The following JPH1 variants were observed in gnomAD, a reference collection of about 807,000 sequenced individuals.
The protein encoded by JPH1 is junctophilin 1, also known as junctophilin-1.
A neutral mutation model predicts 53.6 loss-of-function variants in JPH1; 12 were observed. The ratio of observed to expected loss-of-function variants is 0.22; its 90% CI spans 0.14 to 0.36. The LOEUF (loss-of-function observed/expected upper bound fraction) is 0.36. JPH1 is among the 10% of genes least tolerant of loss of function. The pLI is 1.00. For synonymous variants in JPH1, 375 were observed against 363.8 expected, an observed-to-expected ratio of 1.03 and a Z score of -0.35; for missense variants, 808 against 905.5, an observed-to-expected ratio of 0.89 and a Z score of 1.38.
chr8:74,255,370 C>G lies in JPH1; in HGVS notation c.1258+4015G>C, dbSNP rs1023780299. ...TAGAAAGCTGAAACTGGATCCCTTCCTTACACCTTATACAAAAATTAATTC... is the reference window on the plus strand; with the variant it reads ...TAGAAAGCTGAAACTGGATCCCTTCGTTACACCTTATACAAAAATTAATTC... On this transcript the variant is annotated intron_variant, in intron 3 of 5. Transcript: ENST00000342232. Among the ~76,000 whole-genome samples the G allele has an allele frequency of 1.1e-4, 17 of 152,158 alleles. 1 individual carries two copies. The highest frequency in any genetic ancestry group is 4.1e-4 in the African/African-American group (17 of 41,428).
chr8:74,319,360 T>C (rs1421704151), intron 1 of JPH1, among the ~76,000 whole-genome samples: 5 of 152,312 alleles, frequency 3.3e-5, no homozygotes, highest in African/African-American at 1.2e-4. Context: ...GGAATTTAGT[T>C]ATATAGTAGA....
chr8:74,275,904 G>A (rs1293221629), intron 2 of JPH1, among the ~76,000 whole-genome samples: 4 of 152,020 alleles, frequency 2.6e-5, no homozygotes, highest in Non-Finnish European at 5.9e-5. Flanking sequence ...ACCAATTCTG[G>A]CCTTAAAAAA....
rs1241378694 is a variant in JPH1 at position 74,234,965 on chromosome 8, C to G, written c.*2086G>C. On this transcript the variant is annotated 3_prime_UTR_variant, in exon 6 of 6. Transcript: ENST00000342232. ...AGCTGTGCACATTTTAGAAAAATAC[C>G]AACAATTTGAGCTTTGTTTTAAAAA... The G allele has an allele frequency of 6.6e-6, 1 of 152,426 alleles. No individual in the cohort carries two copies. The highest frequency in any genetic ancestry group is 6.6e-5 in the Admixed American group (1 of 15,260). 9.4% of individuals were successfully genotyped at this position (152,426 alleles called of 1,614,324 possible). A position where few individuals can be genotyped will look rare whatever the true frequency, so the allele number is the denominator to read the frequency against.
chr8:74,254,705 A>C (rs1806165883), intron 3 of JPH1, among the ~76,000 whole-genome samples: 2 of 152,170 alleles, frequency 1.3e-5, no homozygotes, highest in South Asian at 4.1e-4. Context: ...GTCTCAGGAT[A>C]CAAAATCAAT....
chr8:74,256,526 A>G (rs1250528976), intron 3 of JPH1, among the ~76,000 whole-genome samples: 4 of 127,970 alleles, frequency 3.1e-5, no homozygotes, highest in Non-Finnish European at 4.7e-5. Context: ...CATGTACCCT[A>G]AAACTTAAAA....
At chr8:74,319,617 T>C (rs543723090) in intron 1 of JPH1, among the ~76,000 whole-genome samples, 5 of 152,346 alleles carry the variant, frequency 3.3e-5, no homozygotes, top group Admixed American at 2.6e-4. Flanking sequence ...CATTTTGCAT[T>C]TGAAACACGG....
chr8:74,249,102 G>A (rs916858375), intron 3 of JPH1, among the ~76,000 whole-genome samples: 2 of 152,282 alleles, frequency 1.3e-5, no homozygotes, highest in Admixed American at 6.5e-5. Flanking sequence ...AAGGTTACTC[G>A]TTACAGTTGG....
intron 2 of JPH1, among the ~76,000 whole-genome samples, chr8:74,312,175 G>T (rs909017569): frequency 6.6e-6 from 1 of 152,206 alleles, no homozygotes; most frequent in Admixed American, 6.5e-5. Context: ...TTTTTAATTT[G>T]TTGATTGTGT....
intron 2 of JPH1, among the ~76,000 whole-genome samples, chr8:74,278,347 A>G (rs1806910016): frequency 6.6e-6 from 1 of 152,208 alleles, no homozygotes; most frequent in Non-Finnish European, 1.5e-5. Context: ...TGTAAGTCTA[A>G]TACATGGCAC....
chr8:74,280,133 T>TA (rs1806969066), intron 2 of JPH1, among the ~76,000 whole-genome samples: 1 of 152,198 alleles, frequency 6.6e-6, no homozygotes, highest in Admixed American at 6.5e-5. Context: ...CTGTAGTAAG[T>TA]AAAAAATGAA....
At chr8:74,256,605 G>A (rs1286429792) in intron 3 of JPH1, among the ~76,000 whole-genome samples, 1 of 150,914 alleles carries the variant, frequency 6.6e-6, no homozygotes, top group Admixed American at 6.6e-5. Flanking sequence ...CGAAGGATAT[G>A]AACAGACACT....
intron 2 of JPH1, among the ~76,000 whole-genome samples, chr8:74,312,573 T>C (rs1808028687): frequency 6.6e-6 from 1 of 152,194 alleles, no homozygotes; most frequent in Admixed American, 6.5e-5. Context: ...AAATGCAAAA[T>C]GCAGTATTGT....
intron 2 of JPH1, among the ~76,000 whole-genome samples, chr8:74,262,953 G>T (rs527956635): frequency 1.3e-5 from 2 of 152,230 alleles, no homozygotes; most frequent in Non-Finnish European, 2.9e-5. Flanking sequence ...AATTTGATGA[G>T]TATCTGAGGT....
intron 2 of JPH1, among the ~76,000 whole-genome samples, chr8:74,289,998 C>G (rs903253228): frequency 2.0e-5 from 3 of 152,050 alleles, no homozygotes; most frequent in Non-Finnish European, 4.4e-5. Flanking sequence ...ATTTTTGCAT[C>G]GATGTTCATC....
chr8:74,261,141 TTTAA>T (rs1450246279), intron 2 of JPH1, among the ~76,000 whole-genome samples: 1 of 151,918 alleles, frequency 6.6e-6, no homozygotes, highest in African/African-American at 2.4e-5. Flanking sequence ...TCTGGGGGAG[TTTAA>T]TTATTCTGCA....
rs1412622137 is a variant in JPH1 at position 74,235,690 on chromosome 8, CA to C, written c.*1360del. On this transcript the variant is annotated 3_prime_UTR_variant, in exon 6 of 6. Transcript: ENST00000342232. ...TATAAGTAAGCATGCTTCTGAATAA[CA>C]AAGGGTAAATTATAAAACAGCAAAA... 1 of 152,342 alleles carries C rather than the reference CA, an allele frequency of 6.6e-6. No homozygotes were observed. The highest frequency in any genetic ancestry group is 6.6e-5 in the Admixed American group (1 of 15,238). The allele number at this position is 152,342 out of a possible 1,614,324, so 9.4% of individuals were successfully genotyped here. A position where few individuals can be genotyped will look rare whatever the true frequency, so the allele number is the denominator to read the frequency against.
chr8:74,271,844 A>G (rs1490313888), intron 2 of JPH1, among the ~76,000 whole-genome samples: 3 of 152,170 alleles, frequency 2.0e-5, no homozygotes, highest in Middle Eastern at 3.2e-3. Flanking sequence ...GGGGTCCATC[A>G]TGTTGTTTGG....
chr8:74,310,724 G>A (rs1477713519), intron 2 of JPH1, among the ~76,000 whole-genome samples: 1 of 152,186 alleles, frequency 6.6e-6, no homozygotes, highest in Non-Finnish European at 1.5e-5. Flanking sequence ...AGTTTGTTCT[G>A]TGTCTCCTGG....
At chr8:74,258,399 A>G (rs1053647105) in intron 3 of JPH1, among the ~76,000 whole-genome samples, 1 of 152,232 alleles carries the variant, frequency 6.6e-6, no homozygotes, top group African/African-American at 2.4e-5. Flanking sequence ...AGAGAGGGGT[A>G]GAAAGAGTCT....
Sources: gnomAD v4.1 joint callset for allele counts (sites outside exome capture counted in the v4.1 genomes callset) on GRCh38, gnomAD v4.1.1 for gene constraint, MANE v1.5 for transcripts, NCBI Gene and HGNC (gene_info 2026-07-23, HGNC 2026-07-21) for gene names.